Variants in UBE2D3 observed in about 807,000 individuals in gnomAD.
The protein encoded by UBE2D3 is ubiquitin-conjugating enzyme E2 D3.
A neutral mutation model predicts 22.8 loss-of-function variants in UBE2D3; 2 were observed. That is an observed-to-expected ratio of 0.09 (90% CI 0.04 to 0.28). The LOEUF (loss-of-function observed/expected upper bound fraction) is 0.28. Among genes scored for constraint, UBE2D3 ranks in the 10% least tolerant of loss-of-function variants. The probability of loss-of-function intolerance (pLI) is 1.00; values close to 1 mark genes in which losing one functional copy is unlikely to be tolerated. For missense variants in UBE2D3, 27 were observed against 182.5 expected (o/e 0.15, Z 4.91); for synonymous variants, 56 against 60.4 (o/e 0.93, Z 0.34).
chr4:102,818,710 A>G (rs996781116), intron 2 of UBE2D3, among the ~76,000 whole-genome samples: 4 of 152,202 alleles, frequency 2.6e-5, no homozygotes, highest in Non-Finnish European at 4.4e-5. Flanking sequence ...GAGTGTTCTC[A>G]TCTGGAAGTA....
chr4:102,799,069 T>C (rs1725705593), intron 7 of UBE2D3: 1 of 1,400,344 alleles, frequency 7.1e-7, no homozygotes. Flanking sequence ...ATTTGAGAAA[T>C]TTAGACCAAA....
intron 2 of UBE2D3, chr4:102,810,366 C>G (rs1727755896): frequency 8.4e-6 from 1 of 118,530 alleles, no homozygotes; most frequent in African/African-American, 4.1e-5. Context: ...TCTCTCAACT[C>G]AACCTTTTTT....
intron 2 of UBE2D3, chr4:102,825,829 G>A (rs897953165): frequency 1.5e-5 from 7 of 452,032 alleles, no homozygotes; most frequent in Non-Finnish European, 2.7e-5. Context: ...GGTGTCCCTC[G>A]GATAAATAGC....
intron 1 of UBE2D3, among the ~76,000 whole-genome samples, chr4:102,833,717 C>T (rs1471788913): frequency 6.6e-6 from 1 of 152,120 alleles, no homozygotes; most frequent in Non-Finnish European, 1.5e-5. Flanking sequence ...AGTAAAAGGG[C>T]TTTAAAGATG....
intron 1 of UBE2D3, among the ~76,000 whole-genome samples, chr4:102,861,087 G>A (rs559361280): frequency 5.3e-5 from 8 of 151,918 alleles, no homozygotes; most frequent in Non-Finnish European, 1.0e-4. Context: ...CCTTTTGGGC[G>A]GCAACACGCA....
At chr4:102,857,700 T>TTG (rs758915848) in intron 1 of UBE2D3, among the ~76,000 whole-genome samples, 38 of 151,972 alleles carry the variant, frequency 2.5e-4, no homozygotes, top group Admixed American at 7.9e-4. Context: ...CAATTTTATT[T>TTG]TGTGTGTGTG....
chr4:102,851,858 G>A (rs1018621016), intron 1 of UBE2D3, among the ~76,000 whole-genome samples: 1 of 151,816 alleles, frequency 6.6e-6, no homozygotes, highest in Non-Finnish European at 1.5e-5. Flanking sequence ...TAGTAGAGAC[G>A]GGGTTTCACA....
chr4:102,844,644 A>G (rs1731943769), intron 1 of UBE2D3, among the ~76,000 whole-genome samples: 1 of 152,164 alleles, frequency 6.6e-6, no homozygotes, highest in African/African-American at 2.4e-5. Flanking sequence ...TGACTTCCTT[A>G]GGTTCCCTAT....
chr4:102,864,611 T>C (rs930975625), intron 1 of UBE2D3, among the ~76,000 whole-genome samples: 5 of 152,212 alleles, frequency 3.3e-5, no homozygotes, highest in Non-Finnish European at 7.3e-5. Flanking sequence ...GGTATCACCA[T>C]ATCAAAGAGA....
intron 1 of UBE2D3, among the ~76,000 whole-genome samples, chr4:102,845,014 T>C (rs1578289457): frequency 2.2e-5 from 2 of 89,460 alleles, no homozygotes; most frequent in South Asian, 3.6e-4. Flanking sequence ...AGAGCAAGAC[T>C]CCATCTCAAA....
At chr4:102,826,743 G>A in intron 1 of UBE2D3, 107 bp from the exon 2 acceptor site, 1 of 1,417,422 alleles carries the variant, frequency 7.1e-7, no homozygotes, top group Non-Finnish European at 9.2e-7. Context: ...GGGTGGCGTG[G>A]CAAAGCCACC....
intron 2 of UBE2D3, chr4:102,811,790 G>A: frequency 2.2e-6 from 1 of 448,368 alleles, no homozygotes; most frequent in South Asian, 1.6e-5. Context: ...GCAGAGGCGA[G>A]AGGACAGCTT....
intron 1 of UBE2D3, among the ~76,000 whole-genome samples, chr4:102,849,144 G>A (rs1162747189): frequency 6.6e-6 from 1 of 151,882 alleles, no homozygotes; most frequent in African/African-American, 2.4e-5. Context: ...GAGGCAAGAG[G>A]ATGGCTTGAG....
intron 2 of UBE2D3, among the ~76,000 whole-genome samples, chr4:102,820,785 T>C (rs899473559): frequency 5.3e-5 from 8 of 152,080 alleles, no homozygotes; most frequent in East Asian, 1.9e-4. Context: ...AGCTGCCCAG[T>C]AGTAGAAAAC....
intron 6 of UBE2D3, among the ~76,000 whole-genome samples, chr4:102,799,838 G>A (rs866054843): frequency 6.9e-6 from 1 of 145,192 alleles, no homozygotes; most frequent in Non-Finnish European, 1.5e-5. Flanking sequence ...TGGCTGGGGG[G>A]GGGGGGACTT....
intron 5 of UBE2D3, 79 bp downstream of exon 5, chr4:102,802,482 C>A: frequency 1.6e-6 from 2 of 1,217,910 alleles, no homozygotes; most frequent in Non-Finnish European, 1.2e-6. Context: ...CTACACAGAA[C>A]CCTATCTTCC....
At chr4:102,799,621 C>T in intron 6 of UBE2D3, 121 bp from the exon 7 acceptor site, 3 of 641,026 alleles carry the variant, frequency 4.7e-6, no homozygotes, top group South Asian at 5.0e-5. Flanking sequence ...ATCTTTATCT[C>T]AATGAGACAC....
At chr4:102,826,691 T>C in intron 1 of UBE2D3, 55 bp from the exon 2 acceptor site, 1 of 1,481,620 alleles carries the variant, frequency 6.7e-7, no homozygotes, top group Non-Finnish European at 8.9e-7. Context: ...GAGCCCCTGA[T>C]GAATCCAGGT....
chr4:102,868,259 G>A (rs1320012873), intron 1 of UBE2D3, among the ~76,000 whole-genome samples: 6 of 150,570 alleles, frequency 4.0e-5, no homozygotes. Flanking sequence ...TAGTAGAGAC[G>A]GGGTTTCACC....
Sources: allele counts gnomAD v4.1 joint callset (sites outside exome capture counted in the v4.1 genomes callset), GRCh38; gene constraint gnomAD v4.1.1; transcripts MANE v1.5; gene names NCBI Gene and HGNC (gene_info 2026-07-23, HGNC 2026-07-21).